Variants in JAZF1 observed in about 807,000 individuals in gnomAD.
JAZF1 encodes juxtaposed with another zinc finger protein 1.
A neutral mutation model predicts 26.4 loss-of-function variants in JAZF1; 8 were observed. The ratio of observed to expected loss-of-function variants is 0.30; its 90% CI spans 0.18 to 0.55. The LOEUF is 0.55. Among genes scored for constraint, JAZF1 ranks in the 20% least tolerant of loss-of-function variants. The pLI is 0.94. For missense variants in JAZF1, 199 were observed against 322.0 expected (o/e 0.62, Z 2.92); for synonymous variants, 126 against 122.3 (o/e 1.03, Z -0.20).
chr7:28,139,486 C>T lies in JAZF1; in HGVS notation c.115+40977G>A, dbSNP rs979673734. On this transcript the variant is annotated intron_variant, in intron 1 of 4. Transcript: ENST00000283928. ...AAAAGGAAACGTGTGGACACACAGA[C>T]AGACATGCATACAAGGAGAACTTCC... is the stretch of plus-strand genomic sequence containing the variant. 2.0e-5 allele frequency among the ~76,000 whole-genome samples: 3 copies of T among 152,360 alleles called. No individual in the cohort carries two copies. In the East Asian group the frequency reaches 5.8e-4, roughly 29 times the overall value.
intron 1 of JAZF1, among the ~76,000 whole-genome samples, chr7:27,998,075 C>A (rs13226252): frequency 0.014 from 968 of 71,446 alleles, 4 homozygotes; most frequent in Middle Eastern, 0.024. Context: ...GGAAGGAAGG[C>A]AGGCAGGCAG....
intron 2 of JAZF1, among the ~76,000 whole-genome samples, chr7:27,966,389 A>G (rs1466012224): frequency 1.3e-5 from 2 of 152,210 alleles, no homozygotes; most frequent in African/African-American, 4.8e-5. Context: ...TGCAGATTGA[A>G]GCGGTGATGA....
At chr7:28,169,355 C>T (rs1783418569) in intron 1 of JAZF1, among the ~76,000 whole-genome samples, 1 of 152,226 alleles carries the variant, frequency 6.6e-6, no homozygotes, top group African/African-American at 2.4e-5. Flanking sequence ...TTAAATCACA[C>T]ATCATCAACC....
At chr7:28,118,439 C>T (rs4719922) in intron 1 of JAZF1, among the ~76,000 whole-genome samples, 47,452 of 151,728 alleles carry the variant, frequency 0.31, 8,914 homozygotes, top group East Asian at 0.75. Context: ...CACTTGAACC[C>T]GAGAGGCAGA....
chr7:28,147,735 A>G (rs572918414), intron 1 of JAZF1, among the ~76,000 whole-genome samples: 7 of 147,442 alleles, frequency 4.7e-5, no homozygotes, highest in African/African-American at 1.7e-4. Context: ...AAAAAAAATT[A>G]GCCAGGTGTG....
chr7:27,926,808 T>C (rs1784606770), intron 2 of JAZF1, among the ~76,000 whole-genome samples: 1 of 152,152 alleles, frequency 6.6e-6, no homozygotes, highest in Non-Finnish European at 1.5e-5. Flanking sequence ...GTTCCTTCCA[T>C]GTTGGGGATT....
At chr7:28,066,770 G>T (rs1330327020) in intron 1 of JAZF1, among the ~76,000 whole-genome samples, 4 of 152,048 alleles carry the variant, frequency 2.6e-5, no homozygotes, top group African/African-American at 9.7e-5. Flanking sequence ...CCTTCCAGAG[G>T]GTGGCTGCTG....
chr7:28,116,325 G>A (rs907510099), intron 1 of JAZF1, among the ~76,000 whole-genome samples: 6 of 152,188 alleles, frequency 3.9e-5, no homozygotes, highest in African/African-American at 1.4e-4. Flanking sequence ...TCACACTGTA[G>A]AATTTTTGCC....
chr7:28,125,045 T>C (rs536405148), intron 1 of JAZF1, among the ~76,000 whole-genome samples: 5 of 152,110 alleles, frequency 3.3e-5, no homozygotes, highest in Non-Finnish European at 7.4e-5. Flanking sequence ...AAAATGCAGC[T>C]GAATGCTTAA....
At chr7:28,150,406 A>C (rs1783093231) in intron 1 of JAZF1, among the ~76,000 whole-genome samples, 1 of 152,206 alleles carries the variant, frequency 6.6e-6, no homozygotes, top group African/African-American at 2.4e-5. Context: ...GAAAACAAAG[A>C]TATTGACTAT....
intron 1 of JAZF1, among the ~76,000 whole-genome samples, chr7:28,006,764 TG>T (rs1294709645): frequency 6.6e-6 from 1 of 152,184 alleles, no homozygotes; most frequent in Non-Finnish European, 1.5e-5. Flanking sequence ...CTGCTTCCCC[TG>T]AGTAGAAATA....
rs1782716433 is a variant in JAZF1 at position 27,832,142 on chromosome 7, G to C, written c.*658C>G. ...GCCATTTATAACACTAAAATGACTAGTAAGTCAGATGGCAAGATTTTCAGC... is the reference window on the plus strand; with the variant it reads ...GCCATTTATAACACTAAAATGACTACTAAGTCAGATGGCAAGATTTTCAGC... On this transcript the variant is annotated 3_prime_UTR_variant, in exon 5 of 5. Coordinates refer to ENST00000283928, the MANE Select transcript of JAZF1 (RefSeq NM_175061.4). 2 of 213,132 alleles carry C rather than the reference G, an allele frequency of 9.4e-6. No homozygotes were observed. Among genetic ancestry groups the C allele is most frequent in the Non-Finnish European group, 1.9e-5 (2 of 105,220 alleles). The allele number at this position is 213,132 out of a possible 1,614,324, so 13.2% of individuals were successfully genotyped here. A position where few individuals can be genotyped will look rare whatever the true frequency, so the allele number is the denominator to read the frequency against.
At chr7:27,856,425 A>G (rs972395160) in intron 3 of JAZF1, among the ~76,000 whole-genome samples, 6 of 152,326 alleles carry the variant, frequency 3.9e-5, no homozygotes, top group Admixed American at 6.5e-5. Context: ...GCGAAAGAAC[A>G]AAGTTTCCAC....
intron 2 of JAZF1, among the ~76,000 whole-genome samples, chr7:27,910,576 G>A (rs910834060): frequency 1.6e-4 from 24 of 152,160 alleles, no homozygotes; most frequent in Admixed American, 3.3e-4. Context: ...ATTTAGCAAA[G>A]CTTTTCTCAG....
rs58075065 is a variant in JAZF1 at position 28,173,880 on chromosome 7, T to TAAAA, written c.115+6579_115+6582dup. Among the ~76,000 whole-genome samples the TAAAA allele has an allele frequency of 2.3e-3, 213 of 93,144 alleles. 4 individuals are homozygous for TAAAA. Among genetic ancestry groups the TAAAA allele is most frequent in the African/African-American group, 8.8e-3 (209 of 23,682 alleles). 61.1% of individuals were successfully genotyped at this position (93,144 alleles called of 152,430 possible). On this transcript the variant is annotated intron_variant, in intron 1 of 4. Transcript: ENST00000283928. ...TCTGGTCCCTGCTTGCAGCTAGCTT[T>TAAAA]AAAAAAAAAAAAAAAAAAAAAAAAA...
At chr7:27,894,510 A>C (rs941162018) in intron 3 of JAZF1, among the ~76,000 whole-genome samples, 1 of 152,222 alleles carries the variant, frequency 6.6e-6, no homozygotes, top group Non-Finnish European at 1.5e-5. Context: ...AAAGGACAGA[A>C]GCCTCTTTAA....
intron 2 of JAZF1, chr7:27,914,744 C>T (rs1215856844): frequency 6.4e-6 from 3 of 471,064 alleles, no homozygotes; most frequent in African/African-American, 4.0e-5. Flanking sequence ...CATTTCCACA[C>T]AGGGGCCTCT....
At chr7:28,092,290 CAAAAAAAAAAAAAAAAAAAAAAA>C (rs749913273) in intron 1 of JAZF1, among the ~76,000 whole-genome samples, 5 of 12,786 alleles carry the variant, frequency 3.9e-4, no homozygotes, top group African/African-American at 6.5e-4. Flanking sequence ...GGACAAAAGG[CAAAAAAAAAAAAAAAAAAAAAAA>C]AAAAAAAAAA....
chr7:28,108,608 A>AC (rs1784592154), intron 1 of JAZF1, among the ~76,000 whole-genome samples: 1 of 152,212 alleles, frequency 6.6e-6, no homozygotes, highest in African/African-American at 2.4e-5. Context: ...GCAGGAATGT[A>AC]AACTGGTATA....
Sources: gnomAD v4.1 joint callset for allele counts (sites outside exome capture counted in the v4.1 genomes callset) on GRCh38, gnomAD v4.1.1 for gene constraint, MANE v1.5 for transcripts, NCBI Gene and HGNC (gene_info 2026-07-23, HGNC 2026-07-21) for gene names.